Variants in TC2N observed in about 807,000 individuals in gnomAD.
The protein encoded by TC2N is tandem C2 domains nuclear protein.
TC2N carries 51 observed loss-of-function variants against 61.9 expected under a neutral mutation model. The observed-to-expected ratio is 0.82, with a 90% CI of 0.66 to 1.04. The LOEUF is 1.04. Among genes scored for constraint, TC2N ranks in the 50% least tolerant of loss-of-function variants. The pLI, the probability that TC2N is intolerant of heterozygous loss-of-function variation, is 0.00. For missense variants in TC2N, 556 were observed against 566.7 expected (o/e 0.98, Z 0.19); for synonymous variants, 204 against 192.6 (o/e 1.06, Z -0.49).
At chr14:91,861,963 T>C (rs1888599157) in intron 1 of TC2N, among the ~76,000 whole-genome samples, 1 of 151,346 alleles carries the variant, frequency 6.6e-6, no homozygotes, top group Non-Finnish European at 1.5e-5. Context: ...TGTGTGTATA[T>C]GTGTGTGTGT....
At chr14:91,787,951 G>C (rs1410496615) in intron 9 of TC2N, among the ~76,000 whole-genome samples, 2 of 151,856 alleles carry the variant, frequency 1.3e-5, no homozygotes, top group Admixed American at 6.6e-5. Flanking sequence ...TAACACAAAA[G>C]GAATACACTT....
intron 1 of TC2N, among the ~76,000 whole-genome samples, chr14:91,864,814 C>A (rs1250361992): frequency 6.4e-5 from 8 of 125,976 alleles, no homozygotes; most frequent in South Asian, 2.5e-4. Context: ...CAGACTCTCG[C>A]TCTGTTGCCC....
intron 10 of TC2N, among the ~76,000 whole-genome samples, 194 bp from the exon 11 acceptor site, chr14:91,785,555 C>G (rs990676491): frequency 3.3e-5 from 5 of 152,070 alleles, no homozygotes; most frequent in African/African-American, 1.2e-4. Flanking sequence ...TTTGGCCATA[C>G]TTTACTACTG....
chr14:91,862,455 T>A (rs1174490685), intron 1 of TC2N, among the ~76,000 whole-genome samples: 1 of 152,150 alleles, frequency 6.6e-6, no homozygotes, highest in Admixed American at 6.6e-5. Flanking sequence ...TCCTCTTGGT[T>A]TTCACCTCAG....
At chr14:91,830,519 C>T (rs1000170674) in intron 1 of TC2N, among the ~76,000 whole-genome samples, 3 of 152,170 alleles carry the variant, frequency 2.0e-5, no homozygotes, top group South Asian at 2.1e-4. Context: ...AAATGGAAAA[C>T]AGATTAGTGG....
At chr14:91,801,748 G>GT (rs1187780934) in intron 4 of TC2N, among the ~76,000 whole-genome samples, 1 of 152,062 alleles carries the variant, frequency 6.6e-6, no homozygotes, top group Non-Finnish European at 1.5e-5. Flanking sequence ...TTTTTCCCTT[G>GT]TACCTGGTAT....
intron 1 of TC2N, among the ~76,000 whole-genome samples, chr14:91,856,389 C>T (rs1379514904): frequency 6.6e-6 from 1 of 150,930 alleles, no homozygotes; most frequent in Non-Finnish European, 1.5e-5. Flanking sequence ...GAGACTAAGG[C>T]ACAAGAATCA....
intron 1 of TC2N, among the ~76,000 whole-genome samples, chr14:91,852,237 GAAC>G (rs1238914587): frequency 1.3e-5 from 2 of 152,200 alleles, no homozygotes; most frequent in Non-Finnish European, 1.5e-5. Context: ...AGACCAGCCT[GAAC>G]AACATGGAGA....
In TC2N at chr14:91,787,507, A is replaced by G; in HGVS notation, c.1162+6T>C. On this transcript the variant is annotated splice_donor_region_variant and intron_variant, in intron 10 of 11. Transcript: ENST00000435962. ...AGATTCTACTTTGAACCACTGATAT[A>G]CTTACTCAAAGTCAGAGGTGTTGAT... 2 of 1,566,612 alleles carry G rather than the reference A, an allele frequency of 1.3e-6. No homozygotes were observed. Among genetic ancestry groups the G allele is most frequent in the Non-Finnish European group, 8.8e-7 (1 of 1,142,086 alleles).
intron 9 of TC2N, among the ~76,000 whole-genome samples, chr14:91,791,207 A>AGGGGAGGG (rs1885637688): frequency 3.4e-5 from 1 of 29,056 alleles, no homozygotes; most frequent in Non-Finnish European, 7.1e-5. Context: ...GGAGGGGAGA[A>AGGGGAGGG]GAGGGGAGGG....
chr14:91,855,836 G>A (rs1268007274), intron 1 of TC2N, among the ~76,000 whole-genome samples: 1 of 152,146 alleles, frequency 6.6e-6, no homozygotes, highest in Non-Finnish European at 1.5e-5. Context: ...GAATTCAAGG[G>A]AAGTGCCGAG....
chr14:91,852,324 G>A (rs1303354450), intron 1 of TC2N, among the ~76,000 whole-genome samples: 5 of 152,208 alleles, frequency 3.3e-5, no homozygotes, highest in Middle Eastern at 3.4e-3. Flanking sequence ...CCAGCTACTC[G>A]GGAGGCTGAG....
rs1000304434 is a variant in TC2N at position 91,812,518 on chromosome 14, G to A, written c.95C>T (p.Ala32Val). The change falls in exon 3 of 12, where the codon GCA becomes GTA. Residue 32 changes from alanine to valine, a missense_variant. Transcript: ENST00000435962. ...NFSVERDFKA[A>V]VPNSQNATIS... ...AGTAGCATTTTGACTATTTGGGACTGCTGCTTTAAAATCTCTTTCCACAGA... is the reference window on the plus strand; with the variant it reads ...AGTAGCATTTTGACTATTTGGGACTACTGCTTTAAAATCTCTTTCCACAGA... The A allele has an allele frequency of 1.3e-6, 2 of 1,585,640 alleles. No homozygotes were observed. The highest frequency in any genetic ancestry group is 2.3e-5 in the South Asian group (2 of 86,948).
rs185058053 is a variant in TC2N at position 91,864,868 on chromosome 14, G to T, written c.-57+2394C>A. On this transcript the variant is annotated intron_variant, in intron 1 of 11. Transcript: ENST00000435962. ...GCAATCTCAGCTCACTGCAACCTCT[G>T]CCTCCTGGGTTCAAGCAATTCTCCT... Among the ~76,000 whole-genome samples, 568 of 142,316 alleles carry T rather than the reference G, an allele frequency of 4.0e-3. 2 individuals are homozygous for T. The highest frequency in any genetic ancestry group is 5.5e-3 in the Admixed American group (73 of 13,170). 93.4% of individuals were successfully genotyped at this position (142,316 alleles called of 152,430 possible). A position where few individuals can be genotyped will look rare whatever the true frequency, so the allele number is the denominator to read the frequency against.
intron 1 of TC2N, among the ~76,000 whole-genome samples, chr14:91,846,591 C>T (rs1888275324): frequency 6.6e-6 from 1 of 152,174 alleles, no homozygotes; most frequent in South Asian, 2.1e-4. Context: ...GAGTAAAGCT[C>T]CCACGTGCCC....
chr14:91,801,977 T>A (rs964174715), intron 4 of TC2N, among the ~76,000 whole-genome samples: 2 of 152,162 alleles, frequency 1.3e-5, no homozygotes, highest in African/African-American at 4.8e-5. Context: ...ATAGTCTCCA[T>A]GTTGTATAAA....
At position 91,802,318 on chromosome 14, in the gene TC2N, GT is replaced by G; in HGVS notation, c.404del (p.His135ProfsTer6). ...DVYNPFYMYQHISPDLSRRFP... is the reference protein window; with the variant it reads ...DVYNPFYMYQXISPDLSRRFP... ...AGCGTCGACTCAAATCAGGTGAAATGTGCTGATACATATAGAATGGGTTATA... is the reference window on the plus strand; with the variant it reads ...AGCGTCGACTCAAATCAGGTGAAATGGCTGATACATATAGAATGGGTTATA... On this transcript the variant is annotated frameshift_variant, in exon 4 of 12. Transcript: ENST00000435962. LOFTEE classifies it high-confidence loss of function. 1 of 1,609,236 alleles carries G rather than the reference GT, an allele frequency of 6.2e-7. No individual in the cohort carries two copies. The highest frequency in any genetic ancestry group is 8.5e-7 in the Non-Finnish European group (1 of 1,178,430).
At chr14:91,861,147 G>A (rs1888580595) in intron 1 of TC2N, among the ~76,000 whole-genome samples, 1 of 152,188 alleles carries the variant, frequency 6.6e-6, no homozygotes, top group South Asian at 2.1e-4. Flanking sequence ...CCGACAAGGG[G>A]TACTGGAATG....
chr14:91,842,307 G>A (rs1260492820), intron 1 of TC2N, among the ~76,000 whole-genome samples: 2 of 152,028 alleles, frequency 1.3e-5, no homozygotes, highest in African/African-American at 2.4e-5. Flanking sequence ...ACTATTAAAG[G>A]CCAAGTGCTG....
Sources: gnomAD v4.1 joint callset for allele counts (sites outside exome capture counted in the v4.1 genomes callset) on GRCh38, gnomAD v4.1.1 for gene constraint, MANE v1.5 for transcripts, NCBI Gene and HGNC (gene_info 2026-07-23, HGNC 2026-07-21) for gene names.